RALGAPA1: variants seen among roughly 807,000 people sequenced by gnomAD.
RALGAPA1 encodes Ral GTPase activating protein catalytic subunit alpha 1.
In RALGAPA1, 52 loss-of-function variants were observed where a neutral mutation model predicts 269.6. That is an observed-to-expected ratio of 0.19 (90% confidence interval 0.15 to 0.24). RALGAPA1 has a LOEUF of 0.24. RALGAPA1 is among the 10% of genes least tolerant of loss of function. The pLI, the probability that RALGAPA1 is intolerant of heterozygous loss-of-function variation, is 1.00. For synonymous variants in RALGAPA1, 817 were observed against 1,008.3 expected, an observed-to-expected ratio of 0.81 and a Z score of 3.60; for missense variants, 1,917 against 3,013.9, an observed-to-expected ratio of 0.64 and a Z score of 8.52.
intron 26 of RALGAPA1, among the ~76,000 whole-genome samples, chr14:35,669,825 T>C (rs1220109485): frequency 6.6e-6 from 1 of 152,202 alleles, no homozygotes; most frequent in African/African-American, 2.4e-5. Flanking sequence ...TCCCTCTGTA[T>C]TCCACCTACA....
At chr14:35,684,893 C>A in intron 20 of RALGAPA1, 36 bp downstream of exon 20, 1 of 1,583,508 alleles carries the variant, frequency 6.3e-7, no homozygotes, top group Non-Finnish European at 8.6e-7. Flanking sequence ...AGACAATCAA[C>A]ATAAAACATA....
rs1375087771 is a variant in RALGAPA1, at chr14:35,689,891, A to C, written c.2520T>G (p.Pro840=). ...FGALNEEQPL[P]RSSSTSDILE... ...AGATGTCAGAAGTGCTGCTACTTCG[A>C]GGCAATGGCTGCTCCTCATTCAAAG... The change falls in exon 18 of 42, where the codon CCT becomes CCG. Residue 840 remains proline (P), a synonymous_variant. Coordinates refer to ENST00000680220, the MANE Select transcript of RALGAPA1 (RefSeq NM_001346249.2). 1 of 1,605,046 alleles carries C rather than the reference A, an allele frequency of 6.2e-7. No individual in the cohort carries two copies. The highest frequency in any genetic ancestry group is 1.4e-5 in the African/African-American group (1 of 74,028).
At chr14:35,781,675 A>G (rs2075443270) in intron 1 of RALGAPA1, among the ~76,000 whole-genome samples, 1 of 152,124 alleles carries the variant, frequency 6.6e-6, no homozygotes, top group South Asian at 2.1e-4. Context: ...AGGTTGGTTC[A>G]ACATATAAAA....
chr14:35,667,479 A>C (rs2064042100), intron 26 of RALGAPA1, among the ~76,000 whole-genome samples: 1 of 152,210 alleles, frequency 6.6e-6, no homozygotes, highest in Non-Finnish European at 1.5e-5. Flanking sequence ...GGCCTTTCCA[A>C]AACGTAGTCT....
At chr14:35,737,448 T>A (rs1164764428) in intron 12 of RALGAPA1, among the ~76,000 whole-genome samples, 1 of 151,856 alleles carries the variant, frequency 6.6e-6, no homozygotes, top group Non-Finnish European at 1.5e-5. Flanking sequence ...CAGCTGCATA[T>A]AAAAATACAT....
Position 35,549,149 on chromosome 14 carries a change from A to C in RALGAPA1, c.7582T>G (p.Phe2528Val). Reference sequence around the variant, plus strand: ...AAATGGTGGTAGGGAGCTGGAGAAAAAACCTGTGCTGCAAAATCTTCAAAT... The same window carrying C: ...AAATGGTGGTAGGGAGCTGGAGAAACAACCTGTGCTGCAAAATCTTCAAAT... ...TTFEDFAAQV[F>V]SPAPYHHLPS... is the part of the protein sequence containing the mutation. The change falls in exon 40 of 42, where the codon TTT becomes GTT. Residue 2528 changes from phenylalanine to valine, a missense_variant. Coordinates refer to ENST00000680220, the MANE Select transcript of RALGAPA1 (RefSeq NM_001346249.2). 2 of 1,612,144 alleles carry C rather than the reference A, an allele frequency of 1.2e-6. 1 individual carries two copies. Among genetic ancestry groups the C allele is most frequent in the South Asian group, 2.2e-5 (2 of 91,004 alleles).
At chr14:35,786,414 C>T (rs113656556) in intron 1 of RALGAPA1, among the ~76,000 whole-genome samples, 153 of 151,932 alleles carry the variant, frequency 1.0e-3, no homozygotes, top group African/African-American at 3.5e-3. Context: ...CTGAGGCGGG[C>T]GGATCACGAG....
At position 35,595,733 on chromosome 14, in the gene RALGAPA1, A is replaced by G; in HGVS notation, c.7110T>C (p.Thr2370=). Residue 2370 remains threonine (T), a synonymous_variant, in exon 37 of 42, where the codon ACT becomes ACC. Transcript: ENST00000680220. ...FMGGLQKNKS[T]GLTTPYFATS... is the part of the protein sequence containing the mutation. ...TAGCAAAATATGGAGTGGTCAATCC[A>G]GTGCTTTTGTTTTTTTGTAGTCCTC... The G allele has an allele frequency of 6.2e-7, 1 of 1,612,662 alleles. No homozygotes were observed. The highest frequency in any genetic ancestry group is 8.5e-7 in the Non-Finnish European group (1 of 1,178,914).
chr14:35,640,973 C>T (rs2061990442), intron 31 of RALGAPA1, among the ~76,000 whole-genome samples: 1 of 152,014 alleles, frequency 6.6e-6, no homozygotes, highest in Admixed American at 6.6e-5. Context: ...AAATAAAGGA[C>T]AAAAACCTTT....
At chr14:35,790,700 A>G (rs893357816) in intron 1 of RALGAPA1, among the ~76,000 whole-genome samples, 3 of 151,752 alleles carry the variant, frequency 2.0e-5, no homozygotes, top group Admixed American at 6.6e-5. Flanking sequence ...AAAAAAAAAA[A>G]AAAGAAACCT....
intron 6 of RALGAPA1, among the ~76,000 whole-genome samples, chr14:35,758,920 C>T (rs1202147963): frequency 6.6e-6 from 1 of 152,074 alleles, no homozygotes; most frequent in African/African-American, 2.4e-5. Flanking sequence ...TTAAGACCAG[C>T]CAGGCAACAT....
At position 35,809,171 on chromosome 14, in the gene RALGAPA1, C is replaced by G. The variant is rs1202975043; in HGVS notation, c.-336G>C. On this transcript the variant is annotated 5_prime_UTR_variant, in exon 1 of 42. Coordinates refer to ENST00000680220, the MANE Select transcript of RALGAPA1 (RefSeq NM_001346249.2). The stretch of plus-strand genomic sequence containing the variant: ...CGCTCGCCGCCACAGGCCGGGGCCC[C>G]GGACCCAGAGCCACGAAGGTGGAGC... 4 of 271,524 alleles carry G rather than the reference C, an allele frequency of 1.5e-5. No individual in the cohort carries two copies. The South Asian group carries it at 1.8e-4, about 12-fold the overall frequency. 16.8% of individuals were successfully genotyped at this position (271,524 alleles called of 1,614,324 possible). A position where few individuals can be genotyped will look rare whatever the true frequency, so the allele number is the denominator to read the frequency against.
intron 7 of RALGAPA1, chr14:35,756,509 AAAGAGTG>A (rs1388585182): frequency 5.6e-6 from 1 of 177,768 alleles, no homozygotes; most frequent in Non-Finnish European, 1.2e-5. Flanking sequence ...ATACCCTTCT[AAAGAGTG>A]AAGAGTCTAT....
At chr14:35,715,108 T>C (rs527953434) in intron 16 of RALGAPA1, among the ~76,000 whole-genome samples, 4 of 152,296 alleles carry the variant, frequency 2.6e-5, no homozygotes, top group Non-Finnish European at 4.4e-5. Context: ...TCTGTTTCTA[T>C]AGACTCATAG....
At chr14:35,668,340 T>G (rs2064122499) in intron 26 of RALGAPA1, among the ~76,000 whole-genome samples, 1 of 151,486 alleles carries the variant, frequency 6.6e-6, no homozygotes, top group Admixed American at 6.6e-5. Flanking sequence ...AAAATTAGCC[T>G]GGCATGATGG....
In RALGAPA1 at chr14:35,703,856, CA is replaced by C. The variant is rs34474277; in HGVS notation, c.2267-3555del. On this transcript the variant is annotated intron_variant, in intron 16 of 41. Coordinates refer to ENST00000680220, the MANE Select transcript of RALGAPA1 (RefSeq NM_001346249.2). The stretch of plus-strand genomic sequence containing the variant: ...GAAGGCTTCCTATCTTTTCCCCTCT[CA>C]AAAAAAAAAAATGCATTCCCATAAA... 5.8e-3 allele frequency among the ~76,000 whole-genome samples: 832 copies of C among 142,362 alleles called. 8 individuals carry two copies. The highest frequency in any genetic ancestry group is 0.017 in the African/African-American group (663 of 39,226). 93.4% of individuals were successfully genotyped at this position (142,362 alleles called of 152,430 possible). A position where few individuals can be genotyped will look rare whatever the true frequency, so the allele number is the denominator to read the frequency against.
At position 35,549,248 on chromosome 14, in the gene RALGAPA1, G is replaced by C; in HGVS notation, c.7497-14C>G. 1 of 1,606,118 alleles carries C rather than the reference G, an allele frequency of 6.2e-7. No homozygotes were observed. Among genetic ancestry groups the C allele is most frequent in the South Asian group, 1.1e-5 (1 of 90,424 alleles). ...CTCTCCTCATAGCTGATTTCCTTTG[G>C]TTAAGGATAAACTTAAGTGCAGCTT... On this transcript the variant is annotated splice_polypyrimidine_tract_variant and intron_variant, in intron 39 of 41. Coordinates refer to ENST00000680220, the MANE Select transcript of RALGAPA1 (RefSeq NM_001346249.2).
intron 14 of RALGAPA1, among the ~76,000 whole-genome samples, chr14:35,724,545 G>T (rs1213275717): frequency 6.6e-6 from 1 of 151,524 alleles, no homozygotes; most frequent in Non-Finnish European, 1.5e-5. Context: ...GAGAAGGGAG[G>T]ATAATAAAGT....
rs1182808489 is a variant in RALGAPA1, at chr14:35,674,261, G to A, written c.4836C>T (p.Gly1612=). The change falls in exon 24 of 42, where the codon GGC becomes GGT. Residue 1612 remains glycine (G), a synonymous_variant. Coordinates refer to ENST00000680220, the MANE Select transcript of RALGAPA1 (RefSeq NM_001346249.2). The part of the protein sequence containing the change: ...QNLAKIRDNL[G]ISTDNLTSPS... The stretch of plus-strand genomic sequence containing the variant: ...GGGAGGTCAGGTTATCAGTTGAAAT[G>A]CCAAGGTTATCTCTAATCTGTAATT... 6.2e-7 allele frequency: 1 copy of A among 1,610,968 alleles called. No individual in the cohort carries two copies. Among genetic ancestry groups the A allele is most frequent in the Non-Finnish European group, 8.5e-7 (1 of 1,178,144 alleles).
Sources: allele counts gnomAD v4.1 joint callset (sites outside exome capture counted in the v4.1 genomes callset), GRCh38; gene constraint gnomAD v4.1.1; transcripts MANE v1.5; gene names NCBI Gene and HGNC (gene_info 2026-07-23, HGNC 2026-07-21).